Variants in CPED1 observed in about 807,000 individuals in gnomAD.
CPED1 encodes cadherin-like and PC-esterase domain-containing protein 1.
In CPED1, 114 loss-of-function variants were observed where a neutral mutation model predicts 128.2. The ratio of observed to expected loss-of-function variants is 0.89; its 90% CI spans 0.76 to 1.04. The LOEUF (loss-of-function observed/expected upper bound fraction) is 1.04. CPED1 is among the 50% of genes least tolerant of loss of function. The pLI is 0.00. For missense variants in CPED1, 1,211 were observed against 1,207.1 expected (o/e 1.00, Z -0.05); for synonymous variants, 462 against 426.7 (o/e 1.08, Z -1.02).
At chr7:121,193,051 A>T (rs1797182067) in intron 16 of CPED1, among the ~76,000 whole-genome samples, 1 of 152,180 alleles carries the variant, frequency 6.6e-6, no homozygotes, top group Non-Finnish European at 1.5e-5. Flanking sequence ...AGAACTCTTA[A>T]GATGGATTAA....
At chr7:121,200,313 C>T (rs1367424034) in intron 16 of CPED1, among the ~76,000 whole-genome samples, 2 of 152,094 alleles carry the variant, frequency 1.3e-5, no homozygotes, top group Admixed American at 6.6e-5. Context: ...TCCAGCCTCT[C>T]TGCTGGTGAA....
chr7:121,088,762 GCAAAAAAA>G (rs1362456826), intron 5 of CPED1, among the ~76,000 whole-genome samples: 1 of 4,398 alleles, frequency 2.3e-4, no homozygotes, highest in Non-Finnish European at 4.7e-4. Context: ...GCAAAAATTG[GCAAAAAAA>G]AAAAAAAAAA....
intron 7 of CPED1, among the ~76,000 whole-genome samples, chr7:121,111,569 A>T (rs1009746456): frequency 6.6e-6 from 1 of 152,212 alleles, no homozygotes; most frequent in East Asian, 1.9e-4. Context: ...AGGTGAGAAC[A>T]TGCTTAGGAA....
chr7:121,134,025 T>C (rs1346354955), intron 13 of CPED1, 132 bp downstream of exon 13: 1 of 595,290 alleles, frequency 1.7e-6, no homozygotes, highest in Non-Finnish European at 2.9e-6. Flanking sequence ...TTCCCTTAAA[T>C]TTGGAAAGGA....
At chr7:121,262,072 T>G (rs1216514740) in intron 18 of CPED1, among the ~76,000 whole-genome samples, 3 of 151,966 alleles carry the variant, frequency 2.0e-5, no homozygotes, top group Admixed American at 2.0e-4. Context: ...CTCACAGTAA[T>G]TAATGAGTTC....
At chr7:121,129,323 AT>A (rs1795603306) in intron 11 of CPED1, among the ~76,000 whole-genome samples, 1 of 133,318 alleles carries the variant, frequency 7.5e-6, no homozygotes, top group Admixed American at 7.6e-5. Flanking sequence ...GTATATATAT[AT>A]ATATATATAT....
intron 18 of CPED1, among the ~76,000 whole-genome samples, chr7:121,249,826 C>T (rs1798627174): frequency 6.6e-6 from 1 of 152,090 alleles, no homozygotes; most frequent in Non-Finnish European, 1.5e-5. Flanking sequence ...TAAAGCAAGT[C>T]CTTAGTGACC....
intron 7 of CPED1, among the ~76,000 whole-genome samples, chr7:121,105,588 G>C (rs995215224): frequency 6.6e-6 from 1 of 152,036 alleles, no homozygotes; most frequent in Non-Finnish European, 1.5e-5. Context: ...ACTTTTGCTT[G>C]AATTAAATTT....
chr7:121,039,966 A>G (rs1793006955), intron 3 of CPED1, among the ~76,000 whole-genome samples: 1 of 152,060 alleles, frequency 6.6e-6, no homozygotes, highest in African/African-American at 2.4e-5. Context: ...AGATACTATT[A>G]TGTCTCATTG....
intron 16 of CPED1, among the ~76,000 whole-genome samples, chr7:121,172,174 T>C (rs1390636156): frequency 6.6e-6 from 1 of 152,302 alleles, no homozygotes; most frequent in East Asian, 1.9e-4. Context: ...GGTCATTAGG[T>C]CTACCCCGGG....
At chr7:121,244,519 G>A (rs1798479637) in intron 18 of CPED1, among the ~76,000 whole-genome samples, 181 bp downstream of exon 18, 1 of 152,138 alleles carries the variant, frequency 6.6e-6, no homozygotes, top group African/African-American at 2.4e-5. Flanking sequence ...AACAATTCCC[G>A]CTCCAAATGT....
chr7:121,188,898 G>C (rs932991190), intron 16 of CPED1, among the ~76,000 whole-genome samples: 1 of 152,128 alleles, frequency 6.6e-6, no homozygotes, highest in African/African-American at 2.4e-5. Context: ...GCTTGGGTGA[G>C]GGAGGTAATG....
chr7:121,069,188 A>G (rs1793929827), intron 5 of CPED1, among the ~76,000 whole-genome samples: 1 of 152,152 alleles, frequency 6.6e-6, no homozygotes, highest in Admixed American at 6.6e-5. Flanking sequence ...TATTAAAGAT[A>G]GATAGAGCAG....
At chr7:121,196,250 A>G (rs983673291) in intron 16 of CPED1, among the ~76,000 whole-genome samples, 3 of 151,932 alleles carry the variant, frequency 2.0e-5, no homozygotes, top group Admixed American at 6.6e-5. Flanking sequence ...GCTGGGGGGA[A>G]TTGAAACTTC....
chr7:121,156,712 G>T (rs371822576), intron 16 of CPED1, among the ~76,000 whole-genome samples: 1 of 151,126 alleles, frequency 6.6e-6, no homozygotes, highest in Non-Finnish European at 1.5e-5. Context: ...AAGGAAAAAA[G>T]AATATAGCTA....
Position 120,989,808 on chromosome 7 carries a change from A to G in CPED1, c.187A>G (p.Lys63Glu), listed in dbSNP as rs370870472. The G allele has an allele frequency of 1.2e-6, 2 of 1,614,124 alleles. No homozygotes were observed. Among genetic ancestry groups the G allele is most frequent in the Non-Finnish European group, 1.7e-6 (2 of 1,180,046 alleles). ...TGAAACCCAGGCAAGCAGATGCAAG[A>G]AAGGATTCTCTCAGGACAAACAGTG... ...STETQASRCK[K>E]GFSQDKQCFL... The change falls in exon 2 of 23, where the codon AAA (lysine) becomes GAA (glutamate). Residue 63 changes from lysine (K) to glutamate (E), a missense_variant. Coordinates refer to ENST00000310396, the MANE Select transcript of CPED1 (RefSeq NM_024913.5).
At chr7:121,034,247 C>CTTTTTT (rs3067998) in intron 3 of CPED1, among the ~76,000 whole-genome samples, 9 of 113,984 alleles carry the variant, frequency 7.9e-5, no homozygotes, top group East Asian at 2.6e-4. Context: ...GTTTTTTTTT[C>CTTTTTT]TTTTTTTTTT....
At chr7:121,226,297 GTGT>G (rs1798010673) in intron 16 of CPED1, among the ~76,000 whole-genome samples, 1 of 152,054 alleles carries the variant, frequency 6.6e-6, no homozygotes, top group Admixed American at 6.6e-5. Flanking sequence ...GTTTGCCTGG[GTGT>G]CACCAGCCGA....
In CPED1 at chr7:121,244,203, C is replaced by A; in HGVS notation, c.2175C>A (p.Gly725=). 6.2e-7 allele frequency: 1 copy of A among 1,614,132 alleles called. No individual in the cohort carries two copies. The highest frequency in any genetic ancestry group is 8.5e-7 in the Non-Finnish European group (1 of 1,179,994). The change falls in exon 18 of 23, where the codon GGC becomes GGA. Residue 725 remains glycine (G), a splice_region_variant and synonymous_variant. Coordinates refer to ENST00000310396, the MANE Select transcript of CPED1 (RefSeq NM_024913.5). ...LKRCPSGDMK[G]QWIVPCLSCS... is the part of the protein sequence containing the mutation. ...AGAAAGTTTTGCCATCTATTCCAGGCCAGTGGATTGTGCCTTGCCTTAGTT... is the reference window on the plus strand; with the variant it reads ...AGAAAGTTTTGCCATCTATTCCAGGACAGTGGATTGTGCCTTGCCTTAGTT...
Sources: gnomAD v4.1 joint callset for allele counts (sites outside exome capture counted in the v4.1 genomes callset) on GRCh38, gnomAD v4.1.1 for gene constraint, MANE v1.5 for transcripts, NCBI Gene and HGNC (gene_info 2026-07-23, HGNC 2026-07-21) for gene names.